The following MYZAP variants were observed in gnomAD, a reference collection of about 807,000 sequenced individuals.
The protein encoded by MYZAP is GRINL1A complex locus upstream.
MYZAP carries 66 observed loss-of-function variants against 69.4 expected under a neutral mutation model. The ratio of observed to expected loss-of-function variants is 0.95; its 90% CI spans 0.78 to 1.17. MYZAP has a LOEUF of 1.17. Among genes scored for constraint, MYZAP ranks in the 50% most tolerant of loss-of-function variants. MYZAP has a pLI of 0.00. For missense variants in MYZAP, 611 were observed against 556.2 expected (o/e 1.10, Z -0.99); for synonymous variants, 256 against 205.9 (o/e 1.24, Z -2.09).
chr15:57,618,599 A>C (rs1475802277), intron 3 of MYZAP, among the ~76,000 whole-genome samples: 1 of 152,170 alleles, frequency 6.6e-6, no homozygotes, highest in East Asian at 1.9e-4. Flanking sequence ...ACCACAATAG[A>C]CTTTGTCCAA....
At chr15:57,625,003 A>G (rs2140410336) in intron 4 of MYZAP, among the ~76,000 whole-genome samples, 1 of 152,162 alleles carries the variant, frequency 6.6e-6, no homozygotes, top group African/African-American at 2.4e-5. Flanking sequence ...AGACATGTTA[A>G]ACACACACAC....
Position 57,621,564 on chromosome 15 carries a change from A to G in MYZAP, c.319-44A>G, listed in dbSNP as rs368474764. On this transcript the variant is annotated intron_variant, in intron 3 of 12. Coordinates refer to ENST00000267853, the MANE Select transcript of MYZAP (RefSeq NM_001018100.5). ...AAAAGTTTTAGAAATCTTGTATGAA[A>G]ATGTTATGGCTTGATCTCTAACTAG... The G allele has an allele frequency of 2.5e-6, 4 of 1,587,584 alleles. No individual in the cohort carries two copies. The African/African-American group carries it at 4.1e-5, about 16-fold the overall frequency.
chr15:57,661,485 G>C lies in MYZAP; in HGVS notation c.1155G>C (p.Gln385His). The C allele has an allele frequency of 6.2e-7, 1 of 1,609,396 alleles. No individual in the cohort carries two copies. The highest frequency in any genetic ancestry group is 8.5e-7 in the Non-Finnish European group (1 of 1,178,856). Reference sequence around the variant, plus strand: ...TAAAGAAAAAGTTGCAACAGAAACAGCTCTTAATACTGCAGCTTTTAGAAA... The same window carrying C: ...TAAAGAAAAAGTTGCAACAGAAACACCTCTTAATACTGCAGCTTTTAGAAA... ...ESLKKKLQQK[Q>H]LLILQLLEKI... The change falls in exon 11 of 13, where the codon CAG becomes CAC. Residue 385 changes from glutamine (Q) to histidine (H), a missense_variant. Gln to His is a conservative substitution (Grantham distance 24). Coordinates refer to ENST00000267853, the MANE Select transcript of MYZAP (RefSeq NM_001018100.5).
rs1199919822 is a variant in MYZAP at position 57,646,642 on chromosome 15, AC to A, written c.1119+7102del. ...GGGAAGGAGGTGCTCCCACCAGATC[AC>A]CCCCAAGAAAGTACAGGAGCAGCCA... On this transcript the variant is annotated intron_variant, in intron 10 of 12. Coordinates refer to ENST00000267853, the MANE Select transcript of MYZAP (RefSeq NM_001018100.5). 9.1e-6 allele frequency: 9 copies of A among 992,052 alleles called. No homozygotes were observed. The African/African-American group carries it at 1.4e-4, about 15-fold the overall frequency. 61.5% of individuals were successfully genotyped at this position (992,052 alleles called of 1,614,324 possible).
At chr15:57,640,209 A>C (rs1437596135) in intron 10 of MYZAP, among the ~76,000 whole-genome samples, 2 of 152,188 alleles carry the variant, frequency 1.3e-5, no homozygotes, top group Admixed American at 1.3e-4. Context: ...AGAGGAACAA[A>C]ATTTGTTTTA....
chr15:57,676,791 A>T lies in MYZAP; in HGVS notation c.1304+1723A>T, dbSNP rs577868486. Among the ~76,000 whole-genome samples the T allele has an allele frequency of 2.0e-4, 30 of 152,314 alleles. No individual in the cohort carries two copies. The South Asian group carries it at 6.0e-3, about 30-fold the overall frequency. On this transcript the variant is annotated intron_variant, in intron 12 of 12. Coordinates refer to ENST00000267853, the MANE Select transcript of MYZAP (RefSeq NM_001018100.5). Reference sequence around the variant, plus strand: ...AGCCTGAAGCAAACTTTTATGGCTAAGTTATGAAACCACAAAGCGGTTTTC... The same window carrying T: ...AGCCTGAAGCAAACTTTTATGGCTATGTTATGAAACCACAAAGCGGTTTTC...
chr15:57,641,500 C>T (rs1163667041), intron 10 of MYZAP, among the ~76,000 whole-genome samples: 1 of 152,088 alleles, frequency 6.6e-6, no homozygotes, highest in Non-Finnish European at 1.5e-5. Flanking sequence ...TTCATATCTT[C>T]CAGATAAGCT....
At chr15:57,611,950 A>G (rs2035131196) in intron 2 of MYZAP, among the ~76,000 whole-genome samples, 1 of 152,100 alleles carries the variant, frequency 6.6e-6, no homozygotes, top group Admixed American at 6.5e-5. Context: ...GAGAATATTT[A>G]TTTCCCAGGC....
At chr15:57,639,576 G>C (rs1457132670) in intron 10 of MYZAP, 31 bp downstream of exon 10, 2 of 1,604,226 alleles carry the variant, frequency 1.2e-6, no homozygotes, top group African/African-American at 2.7e-5. Flanking sequence ...ACAGGCCTGG[G>C]ATTGCTTCCT....
intron 8 of MYZAP, among the ~76,000 whole-genome samples, chr15:57,635,913 TAAAA>T (rs1239562076): frequency 6.6e-6 from 1 of 152,194 alleles, no homozygotes; most frequent in East Asian, 1.9e-4. Context: ...TTCTGATCAG[TAAAA>T]ATCTTTTAAG....
chr15:57,598,437 C>T (rs1430066317), intron 1 of MYZAP, among the ~76,000 whole-genome samples: 2 of 152,098 alleles, frequency 1.3e-5, no homozygotes, highest in African/African-American at 4.8e-5. Flanking sequence ...ACTACAAAAC[C>T]CAACACTGAG....
chr15:57,607,289 G>A (rs2034815081), intron 2 of MYZAP, among the ~76,000 whole-genome samples: 1 of 152,104 alleles, frequency 6.6e-6, no homozygotes, highest in Non-Finnish European at 1.5e-5. Context: ...AAACTGGGGT[G>A]GTAGGGGCTG....
At chr15:57,631,687 C>T (rs1327163871) in intron 6 of MYZAP, among the ~76,000 whole-genome samples, 15 of 152,178 alleles carry the variant, frequency 9.9e-5, no homozygotes, top group African/African-American at 3.6e-4. Flanking sequence ...AGGGAGAAGT[C>T]AAGGGCGTCA....
At chr15:57,602,576 A>G (rs1001412713) in intron 1 of MYZAP, among the ~76,000 whole-genome samples, 2 of 152,226 alleles carry the variant, frequency 1.3e-5, no homozygotes, top group Non-Finnish European at 2.9e-5. Flanking sequence ...CAGGACTTCA[A>G]TGGATGAATT....
At chr15:57,655,319 G>T (rs1308004535) in intron 10 of MYZAP, among the ~76,000 whole-genome samples, 3 of 152,140 alleles carry the variant, frequency 2.0e-5, no homozygotes, top group African/African-American at 4.8e-5. Context: ...AGGATGGAGT[G>T]TCCTAAATAT....
intron 10 of MYZAP, among the ~76,000 whole-genome samples, chr15:57,645,200 G>C (rs1367526932): frequency 3.3e-5 from 5 of 152,114 alleles, no homozygotes; most frequent in African/African-American, 1.2e-4. Flanking sequence ...GATTTTGAAA[G>C]TATTTAACGG....
intron 10 of MYZAP, chr15:57,647,608 C>T (rs547260363): frequency 1.0e-6 from 1 of 985,408 alleles, no homozygotes; most frequent in South Asian, 4.7e-5. Flanking sequence ...TTTCTTTTCT[C>T]TTTTGGGCTA....
At chr15:57,629,973 T>C (rs2036402489) in intron 6 of MYZAP, 119 bp downstream of exon 6, 3 of 1,006,954 alleles carry the variant, frequency 3.0e-6, no homozygotes, top group Non-Finnish European at 4.0e-6. Context: ...TTCATTGGAT[T>C]TTTTTTTTTT....
Position 57,637,775 on chromosome 15 carries a change from G to T in MYZAP, c.1013+1G>T. On this transcript the variant is annotated splice_donor_variant, in intron 9 of 12. Transcript: ENST00000267853. LOFTEE classifies it high-confidence loss of function. ...AGTTAACTGATTCTGACAAGGAAAG[G>T]TAAGACGTAATGCCTTTCGTCTTGT... 6.2e-7 allele frequency: 1 copy of T among 1,607,562 alleles called. No homozygotes were observed. Among genetic ancestry groups the T allele is most frequent in the Non-Finnish European group, 8.5e-7 (1 of 1,176,360 alleles).
Sources: gnomAD v4.1 joint callset for allele counts (sites outside exome capture counted in the v4.1 genomes callset) on GRCh38, gnomAD v4.1.1 for gene constraint, MANE v1.5 for transcripts, NCBI Gene and HGNC (gene_info 2026-07-23, HGNC 2026-07-21) for gene names.